The following PELI2 variants were observed in gnomAD, a reference collection of about 807,000 sequenced individuals.
PELI2 encodes the protein pellino E3 ubiquitin protein ligase family member 2, also known as E3 ubiquitin-protein ligase pellino homolog 2.
A neutral mutation model predicts 42.3 loss-of-function variants in PELI2; 23 were observed. That is an observed-to-expected ratio of 0.54 (90% confidence interval 0.39 to 0.77). PELI2 has a LOEUF of 0.77. PELI2 is among the 30% of genes least tolerant of loss of function. The pLI, the probability that PELI2 is intolerant of heterozygous loss-of-function variation, is 0.00. For synonymous variants in PELI2, 245 were observed against 212.2 expected (o/e 1.15, Z -1.34); for missense variants, 463 against 553.2 (o/e 0.84, Z 1.64).
intron 1 of PELI2, among the ~76,000 whole-genome samples, chr14:56,128,461 A>T (rs1883360602): frequency 1.3e-5 from 2 of 152,156 alleles, no homozygotes. Flanking sequence ...TGGGAATCTG[A>T]TTAGAAGGTA....
chr14:56,159,507 C>T (rs1884680562), intron 1 of PELI2, among the ~76,000 whole-genome samples: 1 of 152,054 alleles, frequency 6.6e-6, no homozygotes, highest in Non-Finnish European at 1.5e-5. Context: ...TAATAACAAA[C>T]CTTTACCTGG....
At chr14:56,260,340 A>C (rs1252875643) in intron 2 of PELI2, among the ~76,000 whole-genome samples, 1 of 152,224 alleles carries the variant, frequency 6.6e-6, no homozygotes, top group Non-Finnish European at 1.5e-5. Context: ...ATAATGACAT[A>C]GATAAATCTC....
chr14:56,234,214 C>T (rs1389638115), intron 2 of PELI2, among the ~76,000 whole-genome samples: 1 of 152,118 alleles, frequency 6.6e-6, no homozygotes, highest in Non-Finnish European at 1.5e-5. Flanking sequence ...GGATCTAGAA[C>T]TAGAAATACC....
intron 2 of PELI2, among the ~76,000 whole-genome samples, chr14:56,189,800 A>G (rs1885895210): frequency 6.6e-6 from 1 of 152,254 alleles, no homozygotes; most frequent in African/African-American, 2.4e-5. Flanking sequence ...GATTTTCTCT[A>G]TAAACTTTAC....
chr14:56,189,990 A>G (rs746385546), intron 2 of PELI2, among the ~76,000 whole-genome samples: 4 of 152,242 alleles, frequency 2.6e-5, no homozygotes, highest in Non-Finnish European at 5.9e-5. Context: ...CATCTGATCT[A>G]AATCAGTTTT....
intron 1 of PELI2, among the ~76,000 whole-genome samples, chr14:56,141,461 C>T (rs1331387913): frequency 6.6e-6 from 1 of 152,154 alleles, no homozygotes; most frequent in Admixed American, 6.5e-5. Flanking sequence ...GAATTTGCCT[C>T]ACAGTTTTTA....
intron 2 of PELI2, among the ~76,000 whole-genome samples, chr14:56,214,326 T>G (rs1455220873): frequency 6.6e-6 from 1 of 152,044 alleles, no homozygotes; most frequent in East Asian, 1.9e-4. Context: ...ACAGGATGAT[T>G]TGGGATAGGA....
chr14:56,119,782 TG>T (rs1425155706), intron 1 of PELI2: 1 of 983,208 alleles, frequency 1.0e-6, no homozygotes, highest in African/African-American at 1.7e-5. Context: ...TTTTTTCCTT[TG>T]GATGTGTCGC....
At chr14:56,274,527 CATT>C (rs1366141082) in intron 2 of PELI2, among the ~76,000 whole-genome samples, 1 of 152,192 alleles carries the variant, frequency 6.6e-6, no homozygotes, top group Non-Finnish European at 1.5e-5. Flanking sequence ...CTTCTGTTAT[CATT>C]ACATTTTATA....
At chr14:56,282,990 TA>T (rs1359464620) in intron 3 of PELI2, among the ~76,000 whole-genome samples, 2 of 152,216 alleles carry the variant, frequency 1.3e-5, no homozygotes, top group Non-Finnish European at 2.9e-5. Flanking sequence ...TTTTACCACT[TA>T]AATTCAAAAA....
At chr14:56,255,170 T>C (rs1268180212) in intron 2 of PELI2, among the ~76,000 whole-genome samples, 2 of 152,244 alleles carry the variant, frequency 1.3e-5, no homozygotes, top group African/African-American at 4.8e-5. Flanking sequence ...CATTCTACTA[T>C]AAAGACACAT....
At chr14:56,217,756 C>G (rs182363354) in intron 2 of PELI2, among the ~76,000 whole-genome samples, 21 of 152,282 alleles carry the variant, frequency 1.4e-4, no homozygotes, top group Admixed American at 1.3e-3. Flanking sequence ...ACAGTCATCT[C>G]TCTGTTCTCT....
chr14:56,281,619 G>T (rs1889484910), intron 3 of PELI2, among the ~76,000 whole-genome samples: 1 of 152,066 alleles, frequency 6.6e-6, no homozygotes, highest in Admixed American at 6.6e-5. Flanking sequence ...CTGATAAGAA[G>T]AGCCAAAGGC....
At chr14:56,198,982 G>A (rs1886236833) in intron 2 of PELI2, among the ~76,000 whole-genome samples, 1 of 151,834 alleles carries the variant, frequency 6.6e-6, no homozygotes, top group South Asian at 2.1e-4. Flanking sequence ...TATATTTTTT[G>A]TTCTTCTTTT....
At chr14:56,192,447 G>A (rs1885982195) in intron 2 of PELI2, among the ~76,000 whole-genome samples, 1 of 152,146 alleles carries the variant, frequency 6.6e-6, no homozygotes, top group African/African-American at 2.4e-5. Flanking sequence ...GGCCCGTGCT[G>A]TGCCTTTTAG....
At chr14:56,193,214 CA>C (rs1211421834) in intron 2 of PELI2, among the ~76,000 whole-genome samples, 2 of 152,186 alleles carry the variant, frequency 1.3e-5, no homozygotes, top group African/African-American at 2.4e-5. Context: ...GAGTTGGAGG[CA>C]CATTTCAAGA....
intron 2 of PELI2, among the ~76,000 whole-genome samples, chr14:56,198,002 A>C (rs1158585718): frequency 6.9e-6 from 1 of 144,722 alleles, no homozygotes; most frequent in Non-Finnish European, 1.5e-5. Context: ...ACACACACAC[A>C]CACACACACA....
chr14:56,234,588 C>G (rs1311375238), intron 2 of PELI2, among the ~76,000 whole-genome samples: 1 of 151,992 alleles, frequency 6.6e-6, no homozygotes, highest in Non-Finnish European at 1.5e-5. Context: ...ACATCGCACA[C>G]CAGGGCCTGT....
chr14:56,185,870 A>G (rs1328783611), intron 2 of PELI2, among the ~76,000 whole-genome samples: 17 of 152,078 alleles, frequency 1.1e-4, no homozygotes, highest in Admixed American at 1.1e-3. Context: ...AAAAAGGGAC[A>G]TTTGTCTCTT....
Sources: gnomAD v4.1 joint callset for allele counts (sites outside exome capture counted in the v4.1 genomes callset) on GRCh38, gnomAD v4.1.1 for gene constraint, MANE v1.5 for transcripts, NCBI Gene and HGNC (gene_info 2026-07-23, HGNC 2026-07-21) for gene names.